The following SMIM14 variants were observed in gnomAD, a reference collection of about 807,000 sequenced individuals.
The protein encoded by SMIM14 is small integral membrane protein 14.
Under a neutral mutation model 12.6 loss-of-function variants are expected in SMIM14, and 5 were observed. That is an observed-to-expected ratio of 0.40 (90% CI 0.21 to 0.83). The LOEUF is 0.83. SMIM14 is among the 40% of genes least tolerant of loss of function. The pLI is 0.37. For missense variants in SMIM14, 86 were observed against 119.1 expected (o/e 0.72, Z 1.29); for synonymous variants, 30 against 40.1 (o/e 0.75, Z 0.95).
At chr4:39,584,793 C>CAAAAAAAAAAAAAA (rs34970724) in intron 2 of SMIM14, among the ~76,000 whole-genome samples, 1 of 76,308 alleles carries the variant, frequency 1.3e-5, no homozygotes, top group Non-Finnish European at 2.5e-5. Context: ...AGGACCTTGT[C>CAAAAAAAAAAAAAA]AAAAAAAAAA....
chr4:39,573,930 G>C (rs1311452175), intron 2 of SMIM14, among the ~76,000 whole-genome samples: 1 of 151,998 alleles, frequency 6.6e-6, no homozygotes, highest in Non-Finnish European at 1.5e-5. Flanking sequence ...AGTTAAAAAA[G>C]AAAAGTCCCA....
intron 1 of SMIM14, among the ~76,000 whole-genome samples, chr4:39,633,662 G>A (rs983438394): frequency 1.6e-4 from 25 of 152,130 alleles, no homozygotes; most frequent in Non-Finnish European, 3.5e-4. Context: ...GGAGGCAGAG[G>A]TGGGAGAATC....
chr4:39,628,515 A>G (rs1199045230), intron 1 of SMIM14, among the ~76,000 whole-genome samples: 1 of 151,226 alleles, frequency 6.6e-6, no homozygotes, highest in Non-Finnish European at 1.5e-5. Context: ...TCTACTAAAA[A>G]TATTTTTAAA....
intron 1 of SMIM14, among the ~76,000 whole-genome samples, chr4:39,619,980 G>A (rs2110073240): frequency 1.3e-5 from 2 of 149,886 alleles, no homozygotes; most frequent in Middle Eastern, 7.0e-3. Flanking sequence ...TGGCTCAAGT[G>A]ATCATCCCAT....
rs998255841 is a variant in SMIM14, at chr4:39,546,668, G to A, written c.*5458C>T. Reference sequence around the variant, plus strand: ...TTAATGAAAACTTAACAGTTTCACTGAGGATTCAGATATCCGTTGACATGT... The same window carrying A: ...TTAATGAAAACTTAACAGTTTCACTAAGGATTCAGATATCCGTTGACATGT... On this transcript the variant is annotated 3_prime_UTR_variant, in exon 5 of 5. Transcript: ENST00000295958. 1 of 152,214 alleles carries A rather than the reference G, an allele frequency of 6.6e-6. No individual in the cohort carries two copies. The highest frequency in any genetic ancestry group is 1.5e-5 in the Non-Finnish European group (1 of 68,030). 9.4% of individuals were successfully genotyped at this position (152,214 alleles called of 1,614,324 possible). A position where few individuals can be genotyped will look rare whatever the true frequency, so the allele number is the denominator to read the frequency against.
intron 1 of SMIM14, among the ~76,000 whole-genome samples, chr4:39,633,786 C>T (rs965628648): frequency 2.0e-5 from 3 of 152,104 alleles, no homozygotes; most frequent in African/African-American, 4.8e-5. Context: ...ATTGTATCAA[C>T]GAATACAAAG....
rs1711748888 is a variant in SMIM14 at position 39,552,100 on chromosome 4, C to T, written c.*26G>A. 1 of 1,584,742 alleles carries T rather than the reference C, an allele frequency of 6.3e-7. No individual in the cohort carries two copies. Among genetic ancestry groups the T allele is most frequent in the Non-Finnish European group, 8.6e-7 (1 of 1,164,782 alleles). ...TTCGTTTGGTCGTGCAAGGTGTTAA[C>T]TATTTTCACTTCCCATATCACAAAG... On this transcript the variant is annotated 3_prime_UTR_variant, in exon 5 of 5. Transcript: ENST00000295958.
intron 1 of SMIM14, among the ~76,000 whole-genome samples, chr4:39,629,543 A>G (rs566452263): frequency 1.3e-5 from 2 of 151,236 alleles, no homozygotes; most frequent in East Asian, 3.9e-4. Context: ...CCTGAGCTCA[A>G]GCCATCTTCC....
chr4:39,600,399 C>T (rs1186003261), intron 2 of SMIM14, among the ~76,000 whole-genome samples: 2 of 151,832 alleles, frequency 1.3e-5, no homozygotes, highest in Non-Finnish European at 2.9e-5. Flanking sequence ...ACTATTAAAT[C>T]AGGAAAAGGG....
At chr4:39,615,296 C>T (rs541068719) in intron 1 of SMIM14, among the ~76,000 whole-genome samples, 4 of 152,148 alleles carry the variant, frequency 2.6e-5, no homozygotes, top group Non-Finnish European at 5.9e-5. Context: ...CTTTGTATTA[C>T]CTTTGCAACT....
chr4:39,632,302 A>G (rs2109258622), intron 1 of SMIM14, among the ~76,000 whole-genome samples: 1 of 151,730 alleles, frequency 6.6e-6, no homozygotes, highest in East Asian at 1.9e-4. Context: ...CAACATGGTG[A>G]AACCCCGTCT....
At chr4:39,593,524 A>G (rs1223523467) in intron 2 of SMIM14, 1 of 152,198 alleles carries the variant, frequency 6.6e-6, no homozygotes, top group Non-Finnish European at 1.5e-5. Context: ...CACCACTCCT[A>G]TTCAACATAG....
chr4:39,628,720 C>CTTTTTTTTTT (rs541461723), intron 1 of SMIM14, among the ~76,000 whole-genome samples: 1 of 135,270 alleles, frequency 7.4e-6, no homozygotes. Flanking sequence ...AAATGTTTTT[C>CTTTTTTTTTT]TTTTTTTTTT....
At chr4:39,619,312 C>A in intron 1 of SMIM14, among the ~76,000 whole-genome samples, 24 of 51,894 alleles carry the variant, frequency 4.6e-4, no homozygotes, top group African/African-American at 5.3e-4. Flanking sequence ...TTCTATATAT[C>A]AATAAATATA....
chr4:39,569,391 T>C (rs1226672687), intron 3 of SMIM14, among the ~76,000 whole-genome samples: 1 of 152,202 alleles, frequency 6.6e-6, no homozygotes, highest in African/African-American at 2.4e-5. Context: ...CAAGTCTCTT[T>C]ACAATTACCT....
At chr4:39,577,891 T>G (rs1334626574) in intron 2 of SMIM14, among the ~76,000 whole-genome samples, 1 of 152,228 alleles carries the variant, frequency 6.6e-6, no homozygotes, top group African/African-American at 2.4e-5. Flanking sequence ...TGTTGGATCC[T>G]GCCCTTCTGT....
At chr4:39,574,570 G>A (rs1713071254) in intron 2 of SMIM14, among the ~76,000 whole-genome samples, 1 of 152,112 alleles carries the variant, frequency 6.6e-6, no homozygotes, top group Non-Finnish European at 1.5e-5. Context: ...TCAAGACCTT[G>A]GGGCAAGTAA....
intron 3 of SMIM14, among the ~76,000 whole-genome samples, chr4:39,559,806 C>G (rs1339861821): frequency 1.3e-5 from 2 of 152,070 alleles, no homozygotes; most frequent in African/African-American, 2.4e-5. Context: ...TGTTCCAAAC[C>G]CAGTCACTTC....
chr4:39,588,503 A>T (rs1191484925), intron 2 of SMIM14, among the ~76,000 whole-genome samples: 1 of 152,240 alleles, frequency 6.6e-6, no homozygotes, highest in African/African-American at 2.4e-5. Context: ...CTGCATATTG[A>T]TTTAAAAAAA....
Sources: allele counts gnomAD v4.1 joint callset (sites outside exome capture counted in the v4.1 genomes callset), GRCh38; gene constraint gnomAD v4.1.1; transcripts MANE v1.5; gene names NCBI Gene and HGNC (gene_info 2026-07-23, HGNC 2026-07-21).